Variants in PGS1 observed in about 807,000 individuals in gnomAD.
The protein encoded by PGS1 is phosphatidylglycerophosphate synthase 1.
A neutral mutation model predicts 58.3 loss-of-function variants in PGS1; 44 were observed. The ratio of observed to expected loss-of-function variants is 0.75; its 90% CI spans 0.59 to 0.97. The LOEUF (loss-of-function observed/expected upper bound fraction) is 0.97. PGS1 is among the 50% of genes least tolerant of loss of function. The probability of loss-of-function intolerance (pLI) is 0.00; values close to 1 mark genes in which losing one functional copy is unlikely to be tolerated. For synonymous variants in PGS1, 330 were observed against 311.0 expected (o/e 1.06, Z -0.64); for missense variants, 684 against 731.1 (o/e 0.94, Z 0.74).
At chr17:78,378,957 C>T (rs1264145480) in intron 1 of PGS1, 149 bp downstream of exon 1, 1 of 874,118 alleles carries the variant, frequency 1.1e-6, no homozygotes, top group Non-Finnish European at 1.6e-6. Context: ...GGCTCGGCGC[C>T]TGACCTATGT....
chr17:78,380,282 CG>C (rs2146029749), intron 1 of PGS1, among the ~76,000 whole-genome samples: 1 of 152,266 alleles, frequency 6.6e-6, no homozygotes, highest in Non-Finnish European at 1.5e-5. Flanking sequence ...GTGTACTCCT[CG>C]GGTGAGATTT....
Position 78,402,754 on chromosome 17 carries a change from GTTC to G in PGS1, c.881-811_881-809del, listed in dbSNP as rs541922375. On this transcript the variant is annotated intron_variant, in intron 6 of 9. Coordinates refer to ENST00000262764, the MANE Select transcript of PGS1 (RefSeq NM_024419.5). The stretch of plus-strand genomic sequence containing the variant: ...AGGCGTGAGCCACTGTGCCCGGCCT[GTTC>G]TTATTTTTATTTTTTGCTTCCCTAT... 2.4e-3 allele frequency among the ~76,000 whole-genome samples: 363 copies of G among 152,246 alleles called. 1 individual carries two copies. The highest frequency in any genetic ancestry group is 0.01 in the Middle Eastern group (3 of 294).
At chr17:78,390,062 T>TCCCCCCCCCCCCCCCCCCCCCCCGCC (rs1555628316) in intron 1 of PGS1, among the ~76,000 whole-genome samples, 11 of 128,562 alleles carry the variant, frequency 8.6e-5, no homozygotes, top group Admixed American at 1.6e-4. Flanking sequence ...TGTTGCCTGT[T>TCCCCCCCCCCCCCCCCCCCCCCCGCC]CCCCCGCCCC....
chr17:78,412,603 CAT>C (rs1007163351), intron 7 of PGS1, among the ~76,000 whole-genome samples: 7 of 152,214 alleles, frequency 4.6e-5, no homozygotes, highest in African/African-American at 1.7e-4. Context: ...AAATAAAAAG[CAT>C]GTGTAGAACC....
At chr17:78,399,615 AC>A in intron 5 of PGS1, 78 bp downstream of exon 5, 2 of 1,436,014 alleles carry the variant, frequency 1.4e-6, no homozygotes, top group Non-Finnish European at 9.7e-7. Flanking sequence ...ACAGTGGGAA[AC>A]CCGTTCCCCT....
chr17:78,422,647 A>G (rs1021317035), intron 9 of PGS1, among the ~76,000 whole-genome samples: 1 of 152,060 alleles, frequency 6.6e-6, no homozygotes, highest in African/African-American at 2.4e-5. Context: ...ACAGGCACAT[A>G]CAACATTCCC....
intron 1 of PGS1, among the ~76,000 whole-genome samples, chr17:78,390,383 T>G (rs2082740192): frequency 6.6e-6 from 1 of 152,098 alleles, no homozygotes; most frequent in East Asian, 1.9e-4. Context: ...AGTCGCAGAC[T>G]TCCAGGATCC....
At chr17:78,420,417 A>C (rs979799915) in intron 9 of PGS1, 3 of 175,894 alleles carry the variant, frequency 1.7e-5, no homozygotes, top group African/African-American at 7.2e-5. Context: ...TGTGTCCTGG[A>C]TCCCTCAGGG....
At position 78,378,888 on chromosome 17, in the gene PGS1, C is replaced by G. The variant is rs1189840574; in HGVS notation, c.143+80C>G. On this transcript the variant is annotated intron_variant, in intron 1 of 9. Coordinates refer to ENST00000262764, the MANE Select transcript of PGS1 (RefSeq NM_024419.5). ...CCGGCGCTCAAACTCCCGGCCCCAGCGTCCTGGGCATCCGCAGCGAGTCCC... is the reference window on the plus strand; with the variant it reads ...CCGGCGCTCAAACTCCCGGCCCCAGGGTCCTGGGCATCCGCAGCGAGTCCC... 2.3e-6 allele frequency: 3 copies of G among 1,310,496 alleles called. No homozygotes were observed. The East Asian group carries it at 9.4e-5, about 41-fold the overall frequency. 81.2% of individuals were successfully genotyped at this position (1,310,496 alleles called of 1,614,324 possible).
chr17:78,403,499 C>T, intron 6 of PGS1, 69 bp from the exon 7 acceptor site: 3 of 1,496,532 alleles, frequency 2.0e-6, no homozygotes, highest in South Asian at 1.2e-5. Flanking sequence ...CATGCCCTGT[C>T]CCCTGAGCTG....
intron 9 of PGS1, among the ~76,000 whole-genome samples, chr17:78,422,523 G>C (rs2085939219): frequency 6.6e-6 from 1 of 151,158 alleles, no homozygotes; most frequent in African/African-American, 2.5e-5. Context: ...TTTTGAGACA[G>C]GGTCTCACTC....
intron 8 of PGS1, among the ~76,000 whole-genome samples, chr17:78,416,789 C>T (rs2085228207): frequency 6.6e-6 from 1 of 152,196 alleles, no homozygotes; most frequent in Non-Finnish European, 1.5e-5. Flanking sequence ...GATAATTCCA[C>T]CTATGCTTAT....
chr17:78,411,177 T>C (rs2084656292), intron 7 of PGS1, among the ~76,000 whole-genome samples: 1 of 151,846 alleles, frequency 6.6e-6, no homozygotes, highest in South Asian at 2.1e-4. Flanking sequence ...GGGAGAGAAA[T>C]GAGGAGCCTC....
chr17:78,412,568 G>A (rs1409606595), intron 7 of PGS1, among the ~76,000 whole-genome samples: 3 of 152,188 alleles, frequency 2.0e-5, no homozygotes, highest in Non-Finnish European at 4.4e-5. Flanking sequence ...ATAAAGAACC[G>A]AGCCAGTGCT....
At position 78,424,147 on chromosome 17, in the gene PGS1, C is replaced by T. The variant is rs139023942; in HGVS notation, c.*97C>T. 5.0e-5 allele frequency: 81 copies of T among 1,609,870 alleles called. No individual in the cohort carries two copies. Among genetic ancestry groups the T allele is most frequent in the Non-Finnish European group, 6.3e-5 (74 of 1,178,458 alleles). ...GATGACTCCAGTCTGGGTGTCCCAG[C>T]GAGCCCCTGCAGGGACAGTATGGCT... On this transcript the variant is annotated 3_prime_UTR_variant, in exon 10 of 10. Transcript: ENST00000262764.
chr17:78,423,886 G>T lies in PGS1; in HGVS notation c.*11-175G>T, dbSNP rs751856381. ...TTGTGGTCCAGCCCCAGGGAGTGTG[G>T]GCTGTGAGGCAGGAGCGAGCTAAAC... is the stretch of plus-strand genomic sequence containing the variant. On this transcript the variant is annotated intron_variant, in intron 9 of 9. Transcript: ENST00000262764. 1.1e-5 allele frequency: 17 copies of T among 1,613,194 alleles called. No individual in the cohort carries two copies. The South Asian group carries it at 1.9e-4, about 18-fold the overall frequency.
At chr17:78,390,327 G>C (rs1306315585) in intron 1 of PGS1, among the ~76,000 whole-genome samples, 1 of 99,606 alleles carries the variant, frequency 1.0e-5, no homozygotes. Flanking sequence ...GACGGGGGTG[G>C]GGGAGGAACA....
chr17:78,383,294 C>A (rs2146056528), intron 1 of PGS1, among the ~76,000 whole-genome samples: 1 of 151,684 alleles, frequency 6.6e-6, no homozygotes, highest in African/African-American at 2.4e-5. Context: ...GATGCCCAGG[C>A]TGAGGTGCCG....
intron 1 of PGS1, among the ~76,000 whole-genome samples, chr17:78,381,224 T>G (rs2082015201): frequency 6.6e-6 from 1 of 152,166 alleles, no homozygotes; most frequent in African/African-American, 2.4e-5. Context: ...CTTTTTTTTG[T>G]AAATTGTGTG....
Sources: gnomAD v4.1 joint callset for allele counts (sites outside exome capture counted in the v4.1 genomes callset) on GRCh38, gnomAD v4.1.1 for gene constraint, MANE v1.5 for transcripts, NCBI Gene and HGNC (gene_info 2026-07-23, HGNC 2026-07-21) for gene names.